MED14: variants seen among roughly 807,000 people sequenced by gnomAD.
The protein encoded by MED14 is mediator complex subunit 14, also known as mediator of RNA polymerase II transcription subunit 14.
A neutral mutation model predicts 109.0 loss-of-function variants in MED14; 8 were observed. The observed-to-expected ratio is 0.07, with a 90% CI of 0.04 to 0.13. MED14 has a LOEUF of 0.13. Ranked by LOEUF, MED14 falls within the 10% of genes least tolerant of loss-of-function variation. The probability of loss-of-function intolerance (pLI) is 1.00; values close to 1 mark genes in which losing one functional copy is unlikely to be tolerated. For synonymous variants in MED14, 399 were observed against 408.7 expected, an observed-to-expected ratio of 0.98 and a Z score of 0.29; for missense variants, 711 against 1,142.4, an observed-to-expected ratio of 0.62 and a Z score of 5.44.
At chrX:40,681,786 T>C in intron 19 of MED14, 66 bp downstream of exon 19, 1 of 605,886 alleles carries the variant, frequency 1.7e-6, no homozygotes. Context: ...GTAATTTTCA[T>C]GTTTTTTTAA....
chrX:40,659,992 G>C (rs1308325502), intron 26 of MED14, among the ~76,000 whole-genome samples: 1 of 112,032 alleles, frequency 8.9e-6, no homozygotes, highest in African/African-American at 3.2e-5. Context: ...AAGTTGTAAG[G>C]GGACTTAGAA....
Position 40,650,611 on chromosome X carries a change from T to G in MED14, c.*1195A>C. On this transcript the variant is annotated 3_prime_UTR_variant, in exon 31 of 31. Transcript: ENST00000324817. Reference sequence around the variant, plus strand: ...TGACTGACTAGGAAAGACAGCACAGTGCTCCAAAAAGAAACCCTGCAGAGA... The same window carrying G: ...TGACTGACTAGGAAAGACAGCACAGGGCTCCAAAAAGAAACCCTGCAGAGA... 1 of 754,166 alleles carries G rather than the reference T, an allele frequency of 1.3e-6. No individual in the cohort carries two copies. Among genetic ancestry groups the G allele is most frequent in the Non-Finnish European group, 1.6e-6 (1 of 639,258 alleles). The allele number at this position is 754,166 out of a possible 1,213,427, so 62.2% of individuals were successfully genotyped here. A position where few individuals can be genotyped will look rare whatever the true frequency, so the allele number is the denominator to read the frequency against.
intron 11 of MED14, among the ~76,000 whole-genome samples, chrX:40,702,295 T>C (rs1433515269): frequency 1.8e-5 from 2 of 111,979 alleles, no homozygotes; most frequent in Non-Finnish European, 3.8e-5. Flanking sequence ...GTTTTTTATT[T>C]ATGAGTATGT....
In MED14 at chrX:40,714,587, T is replaced by A. The variant is rs759044086; in HGVS notation, c.472A>T (p.Ile158Phe). Residue 158 changes from isoleucine to phenylalanine, a missense_variant, in exon 4 of 31, where the codon ATT (isoleucine) becomes TTT (phenylalanine). Ile to Phe is a conservative substitution (Grantham distance 21). This residue lies in a region of MED14 where 388 missense variants were observed against 517.3 expected (regional missense o/e 0.75). Transcript: ENST00000324817. ...TAAGATCCAGTAGTTAGTACATCAA[T>A]GGCATATGGGATGGCAAAACTAGGC... ...RLPSFAIPYA[I>F]DVLTTGSYPR... 1 of 1,210,057 alleles carries A rather than the reference T, an allele frequency of 8.3e-7. No individual in the cohort carries two copies. The highest frequency in any genetic ancestry group is 1.7e-5 in the African/African-American group (1 of 57,217).
At chrX:40,712,382 G>T in intron 6 of MED14, 89 bp from the exon 7 acceptor site, 1 of 560,233 alleles carries the variant, frequency 1.8e-6, no homozygotes, top group South Asian at 5.1e-5. Context: ...TAATAACAAT[G>T]AATTTTTTTA....
At chrX:40,690,707 G>A (rs1219983277) in intron 15 of MED14, among the ~76,000 whole-genome samples, 1 of 110,884 alleles carries the variant, frequency 9.0e-6, no homozygotes, top group Admixed American at 9.6e-5. Flanking sequence ...GAGTCACCGT[G>A]CCCGGCCCAC....
chrX:40,672,983 C>T (rs1043315570), intron 22 of MED14, among the ~76,000 whole-genome samples: 1 of 112,196 alleles, frequency 8.9e-6, no homozygotes, highest in African/African-American at 3.2e-5. Flanking sequence ...CTAGCTTATG[C>T]ACTAAAACTG....
intron 16 of MED14, among the ~76,000 whole-genome samples, chrX:40,686,950 G>A (rs749492199): frequency 3.4e-5 from 3 of 87,547 alleles, no homozygotes; most frequent in South Asian, 9.1e-4. Flanking sequence ...TTGGCTCCTC[G>A]TCCTTTGTCC....
Position 40,713,731 on chromosome X carries a change from C to A in MED14, c.652+47G>T, listed in dbSNP as rs1448860131. ...GTGCTGAGATTACAGGCATGAGCCA[C>A]CGCACCTGGCCATCAACTCTTAAAA... On this transcript the variant is annotated intron_variant, in intron 5 of 30. Coordinates refer to ENST00000324817, the MANE Select transcript of MED14 (RefSeq NM_004229.4). 4.2e-6 allele frequency: 5 copies of A among 1,192,583 alleles called. No individual in the cohort carries two copies. The African/African-American group carries it at 5.3e-5, about 13-fold the overall frequency.
At chrX:40,733,404 T>A (rs1213896003) in intron 1 of MED14, among the ~76,000 whole-genome samples, 1 of 111,932 alleles carries the variant, frequency 8.9e-6, no homozygotes, top group Non-Finnish European at 1.9e-5. Flanking sequence ...CACCTGGCAA[T>A]TATCAACACT....
At chrX:40,705,981 C>T (rs1009328955) in intron 10 of MED14, among the ~76,000 whole-genome samples, 3 of 111,465 alleles carry the variant, frequency 2.7e-5, no homozygotes, top group Non-Finnish European at 3.8e-5. Context: ...TCTACCCCCA[C>T]GAAACCACAT....
intron 1 of MED14, among the ~76,000 whole-genome samples, chrX:40,733,452 C>A (rs1932151019): frequency 8.9e-6 from 1 of 112,027 alleles, no homozygotes; most frequent in Admixed American, 9.4e-5. Flanking sequence ...TCGAAGGGTT[C>A]TAAGCAGAGA....
Position 40,735,354 on chromosome X carries a change from C to T in MED14, c.59G>A (p.Gly20Asp). The T allele has an allele frequency of 2.8e-6, 3 of 1,065,498 alleles. No individual in the cohort carries two copies. The highest frequency in any genetic ancestry group is 2.4e-6 in the Non-Finnish European group (2 of 828,429). 87.8% of individuals were successfully genotyped at this position (1,065,498 alleles called of 1,213,427 possible). A position where few individuals can be genotyped will look rare whatever the true frequency, so the allele number is the denominator to read the frequency against. The change falls in exon 1 of 31, where the codon GGC becomes GAC. Residue 20 changes from glycine (G) to aspartate (D), a missense_variant. Transcript: ENST00000324817. ...QLVPPGGGGG[G>D]SGGPPSAPAP... ...TGGGGCTGACGGGGGTCCGCCGCTG[C>T]CCCCGCCGCCGCCTCCGGGCGGGAC... is the stretch of plus-strand genomic sequence containing the variant.
Position 40,675,272 on chromosome X carries a change from T to C in MED14, c.2970A>G (p.Gly990=). 8.4e-7 allele frequency: 1 copy of C among 1,195,439 alleles called. No individual in the cohort carries two copies. Among genetic ancestry groups the C allele is most frequent in the Non-Finnish European group, 1.1e-6 (1 of 888,050 alleles). ...GCGATATTAAAGAATCCATCATATCTCCTCCTATAGGAGAAGGGGGATTAT... is the reference window on the plus strand; with the variant it reads ...GCGATATTAAAGAATCCATCATATCCCCTCCTATAGGAGAAGGGGGATTAT... ...EDDNPPSPIG[G]DMMDSLISQL... Residue 990 remains glycine (G), a synonymous_variant, in exon 22 of 31, where the codon GGA becomes GGG. Coordinates refer to ENST00000324817, the MANE Select transcript of MED14 (RefSeq NM_004229.4).
chrX:40,723,667 GAAAAAAAAAAA>G (rs56676419), intron 3 of MED14, among the ~76,000 whole-genome samples: 9 of 17,994 alleles, frequency 5.0e-4, no homozygotes, highest in South Asian at 8.5e-3. Flanking sequence ...CTCCGTCTCA[GAAAAAAAAAAA>G]AAAAAAAAAA....
chrX:40,660,416 C>CTTA (rs1929219501), intron 26 of MED14, among the ~76,000 whole-genome samples: 1 of 111,759 alleles, frequency 8.9e-6, no homozygotes, highest in African/African-American at 3.3e-5. Context: ...GGATTAGGCT[C>CTTA]TTATTCTAGC....
chrX:40,666,440 T>C (rs954856548), intron 24 of MED14, among the ~76,000 whole-genome samples: 8 of 109,366 alleles, frequency 7.3e-5, no homozygotes, highest in Non-Finnish European at 7.6e-5. Context: ...CAAGTGAGAA[T>C]AACAGAAACG....
At chrX:40,702,855 T>A (rs1397271146) in intron 11 of MED14, among the ~76,000 whole-genome samples, 1 of 112,192 alleles carries the variant, frequency 8.9e-6, no homozygotes, top group Non-Finnish European at 1.9e-5. Context: ...TAGCTGAATA[T>A]TAATTTCAAA....
In MED14 at chrX:40,710,017, G is replaced by A; in HGVS notation, c.1135C>T (p.Pro379Ser). The A allele has an allele frequency of 8.4e-7, 1 of 1,185,338 alleles. No individual in the cohort carries two copies. The highest frequency in any genetic ancestry group is 1.1e-6 in the Non-Finnish European group (1 of 879,547). Reference protein sequence around the residue: ...PLQIFHDPPLPASDSKLVERA... With the variant: ...PLQIFHDPPLSASDSKLVERA... ...TCTACTAATTTGGAATCAGAAGCTG[G>A]CAAAGGAGGATCGTGAAAAATCTGT... Residue 379 changes from proline (P) to serine (S), a missense_variant, in exon 9 of 31, where the codon CCA (proline) becomes TCA (serine). Physicochemically the swap from Pro to Ser is moderately conservative, Grantham distance 74. Transcript: ENST00000324817.
Sources: allele counts gnomAD v4.1 joint callset (sites outside exome capture counted in the v4.1 genomes callset), GRCh38; gene constraint gnomAD v4.1.1; regional missense constraint gnomAD v4.1.1; transcripts MANE v1.5; gene names NCBI Gene and HGNC (gene_info 2026-07-23, HGNC 2026-07-21).